PDGFRL: variants seen among roughly 807,000 people sequenced by gnomAD.
PDGFRL encodes the protein platelet-derived growth factor receptor-like protein.
PDGFRL carries 46 observed loss-of-function variants against 37.2 expected under a neutral mutation model. The observed-to-expected ratio is 1.24, with a 90% CI of 0.98 to 1.58. The LOEUF (loss-of-function observed/expected upper bound fraction) is 1.58. Among genes scored for constraint, PDGFRL ranks in the 40% most tolerant of loss-of-function variants. PDGFRL has a pLI of 0.00. For synonymous variants in PDGFRL, 251 were observed against 184.3 expected, an observed-to-expected ratio of 1.36 and a Z score of -2.93; for missense variants, 692 against 467.6, an observed-to-expected ratio of 1.48 and a Z score of -4.43.
intron 2 of PDGFRL, among the ~76,000 whole-genome samples, chr8:17,598,879 C>G (rs2299571): frequency 0.88 from 134,149 of 152,234 alleles, 59,524 homozygotes; most frequent in Middle Eastern, 0.95. Flanking sequence ...TGCTCATTCT[C>G]TCTTGCCAGC....
chr8:17,616,366 T>C (rs1804528344), intron 2 of PDGFRL, among the ~76,000 whole-genome samples: 1 of 152,034 alleles, frequency 6.6e-6, no homozygotes, highest in African/African-American at 2.4e-5. Flanking sequence ...AGCTAATTTT[T>C]GTATTTTCAA....
At chr8:17,635,723 A>G (rs1450772385) in intron 5 of PDGFRL, among the ~76,000 whole-genome samples, 1 of 152,184 alleles carries the variant, frequency 6.6e-6, no homozygotes, top group African/African-American at 2.4e-5. Context: ...TGGTTGTACT[A>G]GTTTACATTC....
In PDGFRL at chr8:17,606,886, G is replaced by GTTTTTTT. The variant is rs371085758; in HGVS notation, c.354-14164_354-14158dup. 9.7e-4 allele frequency among the ~76,000 whole-genome samples: 134 copies of GTTTTTTT among 138,250 alleles called. 2 individuals are homozygous for GTTTTTTT. Among genetic ancestry groups the GTTTTTTT allele is most frequent in the African/African-American group, 2.6e-3 (92 of 35,558 alleles). 90.7% of individuals were successfully genotyped at this position (138,250 alleles called of 152,430 possible). A position where few individuals can be genotyped will look rare whatever the true frequency, so the allele number is the denominator to read the frequency against. ...AGAAACAGCCAGTTTTTCGTTTTTT[G>GTTTTTTT]TTTTTTTGTTTTTTTTTTTTTTTTT... On this transcript the variant is annotated intron_variant, in intron 2 of 5. Transcript: ENST00000251630.
intron 5 of PDGFRL, among the ~76,000 whole-genome samples, 156 bp downstream of exon 5, chr8:17,634,369 G>GTT (rs146512842): frequency 6.6e-6 from 1 of 151,594 alleles, no homozygotes; most frequent in African/African-American, 2.4e-5. Context: ...GGTATTGTTT[G>GTT]TTTTTTTTGA....
chr8:17,582,914 A>G (rs1056021244), intron 1 of PDGFRL, among the ~76,000 whole-genome samples: 1 of 152,064 alleles, frequency 6.6e-6, no homozygotes, highest in Non-Finnish European at 1.5e-5. Context: ...TCTGCCGTGC[A>G]CCACCTCGGG....
chr8:17,578,627 A>G (rs546333548), intron 1 of PDGFRL, among the ~76,000 whole-genome samples: 109 of 152,300 alleles, frequency 7.2e-4, no homozygotes, highest in African/African-American at 2.4e-3. Context: ...AGGGCAGGAG[A>G]TGGCCAGGCA....
At chr8:17,634,388 C>T (rs944039533) in intron 5 of PDGFRL, among the ~76,000 whole-genome samples, 175 bp downstream of exon 5, 10 of 151,764 alleles carry the variant, frequency 6.6e-5, no homozygotes, top group South Asian at 2.1e-4. Flanking sequence ...GAAGATGTTT[C>T]GGTATATTTA....
At chr8:17,638,784 T>TAA (rs1805032055) in intron 5 of PDGFRL, among the ~76,000 whole-genome samples, 3 of 115,054 alleles carry the variant, frequency 2.6e-5, no homozygotes, top group Non-Finnish European at 5.3e-5. Flanking sequence ...TATATATATA[T>TAA]ATAATTGTGA....
At chr8:17,637,772 C>A (rs1805001897) in intron 5 of PDGFRL, among the ~76,000 whole-genome samples, 1 of 152,108 alleles carries the variant, frequency 6.6e-6, no homozygotes, top group South Asian at 2.1e-4. Context: ...TTCAGAGTTT[C>A]TCTTTCTTCC....
chr8:17,610,368 C>A (rs1380760817), intron 2 of PDGFRL, among the ~76,000 whole-genome samples: 4 of 152,158 alleles, frequency 2.6e-5, no homozygotes, highest in African/African-American at 9.7e-5. Flanking sequence ...GCTACAAAAT[C>A]TGAAACTTTT....
At chr8:17,589,411 C>G in intron 1 of PDGFRL, 57 bp from the exon 2 acceptor site, 1 of 1,332,550 alleles carries the variant, frequency 7.5e-7, no homozygotes. Context: ...TTATTGGCCT[C>G]AAATATTCCA....
At chr8:17,610,523 C>G (rs771629850) in intron 2 of PDGFRL, among the ~76,000 whole-genome samples, 1 of 152,186 alleles carries the variant, frequency 6.6e-6, no homozygotes, top group Non-Finnish European at 1.5e-5. Flanking sequence ...TGGTTCCAAG[C>G]ATTTTGGATA....
At chr8:17,636,203 A>G (rs1804966906) in intron 5 of PDGFRL, among the ~76,000 whole-genome samples, 1 of 152,212 alleles carries the variant, frequency 6.6e-6, no homozygotes, top group Non-Finnish European at 1.5e-5. Context: ...CAATGTCTAG[A>G]AAGGTTTTTC....
At chr8:17,630,694 C>T (rs141175235) in intron 4 of PDGFRL, among the ~76,000 whole-genome samples, 175 of 152,240 alleles carry the variant, frequency 1.1e-3, no homozygotes, top group African/African-American at 3.9e-3. Flanking sequence ...TGAGAGAGGT[C>T]AGAGGAAGTA....
At chr8:17,632,512 C>G (rs935748427) in intron 4 of PDGFRL, among the ~76,000 whole-genome samples, 1 of 151,954 alleles carries the variant, frequency 6.6e-6, no homozygotes, top group Non-Finnish European at 1.5e-5. Context: ...TAATTTTGTA[C>G]TTTTAGTAGA....
intron 3 of PDGFRL, among the ~76,000 whole-genome samples, chr8:17,628,028 C>G (rs1217179242): frequency 8.5e-6 from 1 of 117,074 alleles, no homozygotes; most frequent in Non-Finnish European, 1.6e-5. Context: ...GAGTCTGGCT[C>G]TGTCGCCCAG....
upstream of PDGFRL, chr8:17,577,082 T>TAAAAAAAAAAAAAAAGAAAAAA (rs5889721): frequency 2.4e-6 from 1 of 410,770 alleles, no homozygotes; most frequent in African/African-American, 3.7e-5. Flanking sequence ...CACAGAGAAC[T>TAAAAAAAAAAAAAAAGAAAAAA]AAAAAAAAAA....
chr8:17,603,188 T>C (rs886187077), intron 2 of PDGFRL, among the ~76,000 whole-genome samples: 5 of 152,184 alleles, frequency 3.3e-5, no homozygotes, highest in Non-Finnish European at 7.3e-5. Flanking sequence ...TTTGCGATGT[T>C]GGCCAGGCTT....
At chr8:17,577,454 GC>G (rs1480737673) in intron 1 of PDGFRL, 147 bp downstream of exon 1, 4 of 707,544 alleles carry the variant, frequency 5.7e-6, no homozygotes, top group East Asian at 2.7e-5. Context: ...CGGTGCACCT[GC>G]CCCCTCCTGG....
Sources: gnomAD v4.1 joint callset for allele counts (sites outside exome capture counted in the v4.1 genomes callset) on GRCh38, gnomAD v4.1.1 for gene constraint, MANE v1.5 for transcripts, NCBI Gene and HGNC (gene_info 2026-07-23, HGNC 2026-07-21) for gene names.